Variants in SDC2 observed in about 807,000 individuals in gnomAD.
SDC2 encodes syndecan 2.
SDC2 carries 13 observed loss-of-function variants against 22.2 expected under a neutral mutation model. That is an observed-to-expected ratio of 0.59 (90% confidence interval 0.38 to 0.93). The LOEUF (loss-of-function observed/expected upper bound fraction) is 0.93, where lower values mean the gene tolerates loss of function less well. Among genes scored for constraint, SDC2 ranks in the 40% least tolerant of loss-of-function variants. The pLI, the probability that SDC2 is intolerant of heterozygous loss-of-function variation, is 0.00. For missense variants in SDC2, 235 were observed against 246.8 expected (o/e 0.95, Z 0.32); for synonymous variants, 94 against 92.8 (o/e 1.01, Z -0.07).
intron 1 of SDC2, among the ~76,000 whole-genome samples, chr8:96,558,663 T>C (rs954792667): frequency 6.6e-6 from 1 of 152,174 alleles, no homozygotes; most frequent in African/African-American, 2.4e-5. Flanking sequence ...TCCCAACACT[T>C]TGGGAGGCTG....
intron 1 of SDC2, among the ~76,000 whole-genome samples, chr8:96,547,992 G>A (rs1813963551): frequency 1.3e-5 from 2 of 152,084 alleles, no homozygotes; most frequent in African/African-American, 4.8e-5. Context: ...AAACTCCTGG[G>A]CTCAGGCCAT....
At position 96,589,138 on chromosome 8, in the gene SDC2, A is replaced by G. The variant is rs556094457; in HGVS notation, c.61-4342A>G. The stretch of plus-strand genomic sequence containing the variant: ...AAGTTTGGGCTGAATCATTTTATCA[A>G]ACTCTAAATTTTTATCATCAAATGT... On this transcript the variant is annotated intron_variant, in intron 1 of 4. Coordinates refer to ENST00000302190, the MANE Select transcript of SDC2 (RefSeq NM_002998.4). Among the ~76,000 whole-genome samples the G allele has an allele frequency of 1.1e-4, 17 of 152,302 alleles. No homozygotes were observed. The East Asian group carries it at 1.2e-3, about 10-fold the overall frequency.
At chr8:96,494,891 T>G (rs879427399) in intron 1 of SDC2, among the ~76,000 whole-genome samples, 6 of 152,172 alleles carry the variant, frequency 3.9e-5, no homozygotes, top group East Asian at 3.9e-4. Context: ...TTCTTTTGTT[T>G]GATGCTCCCT....
intron 1 of SDC2, among the ~76,000 whole-genome samples, chr8:96,534,280 GC>G (rs1216383548): frequency 6.6e-6 from 1 of 152,218 alleles, no homozygotes; most frequent in African/African-American, 2.4e-5. Context: ...GGGCTGAAGG[GC>G]CCACCTCTCG....
At chr8:96,601,642 A>C (rs1814988179) in intron 2 of SDC2, among the ~76,000 whole-genome samples, 1 of 140,696 alleles carries the variant, frequency 7.1e-6, no homozygotes, top group African/African-American at 2.5e-5. Context: ...TCCATCTCCA[A>C]AAAAAAAAAA....
intron 1 of SDC2, chr8:96,586,365 C>T (rs187713212): frequency 1.3e-5 from 2 of 152,190 alleles, no homozygotes; most frequent in Non-Finnish European, 2.9e-5. Context: ...TTCTGTGGAG[C>T]CTTTACCATA....
chr8:96,598,177 C>A (rs1814913179), intron 2 of SDC2, among the ~76,000 whole-genome samples: 2 of 152,152 alleles, frequency 1.3e-5, no homozygotes, highest in Admixed American at 6.5e-5. Context: ...CCGAAGGGCA[C>A]TAATTCCATT....
At chr8:96,577,742 C>T (rs1265779647) in intron 1 of SDC2, among the ~76,000 whole-genome samples, 1 of 152,122 alleles carries the variant, frequency 6.6e-6, no homozygotes, top group Non-Finnish European at 1.5e-5. Context: ...ATTTGCCCAC[C>T]CCCTCTTCCC....
intron 1 of SDC2, among the ~76,000 whole-genome samples, chr8:96,517,901 G>A (rs901359725): frequency 2.6e-5 from 4 of 152,006 alleles, no homozygotes; most frequent in African/African-American, 4.8e-5. Flanking sequence ...AATTAAAGAC[G>A]TTAACTACAC....
chr8:96,497,508 T>A (rs142288539), intron 1 of SDC2, among the ~76,000 whole-genome samples: 2 of 152,320 alleles, frequency 1.3e-5, no homozygotes, highest in East Asian at 1.9e-4. Context: ...AGGGGTAGCC[T>A]ACCCTGTGTA....
intron 1 of SDC2, among the ~76,000 whole-genome samples, chr8:96,517,103 T>G (rs906681634): frequency 6.6e-6 from 1 of 152,182 alleles, no homozygotes; most frequent in Non-Finnish European, 1.5e-5. Context: ...TCATCAATAT[T>G]TATTATTGTC....
chr8:96,564,843 T>G (rs1476666646), intron 1 of SDC2, among the ~76,000 whole-genome samples: 2 of 152,100 alleles, frequency 1.3e-5, no homozygotes, highest in African/African-American at 4.8e-5. Flanking sequence ...GCCCACCGTT[T>G]TGGGAGTTGA....
chr8:96,509,941 T>G (rs141542833), intron 1 of SDC2, among the ~76,000 whole-genome samples: 293 of 152,300 alleles, frequency 1.9e-3, no homozygotes, highest in African/African-American at 6.7e-3. Context: ...TTTTGACTAT[T>G]ATTTTGGTGG....
intron 1 of SDC2, among the ~76,000 whole-genome samples, chr8:96,514,133 T>C (rs1418682179): frequency 6.6e-6 from 1 of 152,210 alleles, no homozygotes; most frequent in Non-Finnish European, 1.5e-5. Context: ...GATCTCTATT[T>C]GCCAAAGTTA....
chr8:96,582,686 T>G (rs1009401063), intron 1 of SDC2, among the ~76,000 whole-genome samples: 2 of 152,108 alleles, frequency 1.3e-5, no homozygotes, highest in Non-Finnish European at 2.9e-5. Context: ...TGTAATAGAT[T>G]GGACGCAGAA....
At chr8:96,529,917 G>A (rs1335550716) in intron 1 of SDC2, among the ~76,000 whole-genome samples, 1 of 151,982 alleles carries the variant, frequency 6.6e-6, no homozygotes, top group Admixed American at 6.5e-5. Context: ...TAGTTCCTCA[G>A]GCATTACCGC....
In SDC2 at chr8:96,599,995, A is replaced by AT. The variant is rs974916260; in HGVS notation, c.173-2390dup. Reference sequence around the variant, plus strand: ...GTCTCAACAACAAAAAATAATAATAATTTTTTTTTTAATATTAGCTGGGCA... The same window carrying AT: ...GTCTCAACAACAAAAAATAATAATAATTTTTTTTTTTAATATTAGCTGGGCA... On this transcript the variant is annotated intron_variant, in intron 2 of 4. Coordinates refer to ENST00000302190, the MANE Select transcript of SDC2 (RefSeq NM_002998.4). Among the ~76,000 whole-genome samples, 14 of 150,318 alleles carry AT rather than the reference A, an allele frequency of 9.3e-5. No homozygotes were observed. The East Asian group carries it at 1.2e-3, about 13-fold the overall frequency.
chr8:96,507,014 A>G (rs967796869), intron 1 of SDC2, among the ~76,000 whole-genome samples: 4 of 83,282 alleles, frequency 4.8e-5, no homozygotes, highest in African/African-American at 2.1e-4. Flanking sequence ...GTCTCAGGAA[A>G]AAAAAAAAAA....
chr8:96,499,967 G>A (rs1255021991), intron 1 of SDC2, among the ~76,000 whole-genome samples: 4 of 152,120 alleles, frequency 2.6e-5, no homozygotes, highest in African/African-American at 9.7e-5. Context: ...AGATACCCGT[G>A]GGCCTGGACA....
Sources: allele counts gnomAD v4.1 joint callset (sites outside exome capture counted in the v4.1 genomes callset), GRCh38; gene constraint gnomAD v4.1.1; transcripts MANE v1.5; gene names NCBI Gene and HGNC (gene_info 2026-07-23, HGNC 2026-07-21).